Variants in MBD5 observed in about 807,000 individuals in gnomAD.
MBD5 encodes the protein methyl-CpG-binding domain protein 5.
A neutral mutation model predicts 117.3 loss-of-function variants in MBD5; 13 were observed. That is an observed-to-expected ratio of 0.11 (90% CI 0.07 to 0.18). The LOEUF (loss-of-function observed/expected upper bound fraction) is 0.18. Among genes scored for constraint, MBD5 ranks in the 10% least tolerant of loss-of-function variants. MBD5 has a pLI of 1.00. For missense variants in MBD5, 1,879 were observed against 2,093.8 expected (o/e 0.90, Z 2.00); for synonymous variants, 727 against 766.4 (o/e 0.95, Z 0.85).
intron 1 of MBD5, among the ~76,000 whole-genome samples, chr2:148,070,341 A>G (rs978631879): frequency 6.6e-6 from 1 of 152,192 alleles, no homozygotes; most frequent in Non-Finnish European, 1.5e-5. Context: ...GTAGACATTT[A>G]GTGATTTGAT....
At chr2:148,170,132 C>T (rs1189595236) in intron 1 of MBD5, among the ~76,000 whole-genome samples, 2 of 152,096 alleles carry the variant, frequency 1.3e-5, no homozygotes, top group Non-Finnish European at 2.9e-5. Context: ...CTCCTGACCT[C>T]GTGATCTGCC....
At chr2:148,230,725 T>C (rs1257880953) in intron 2 of MBD5, among the ~76,000 whole-genome samples, 4 of 152,118 alleles carry the variant, frequency 2.6e-5, no homozygotes, top group Admixed American at 6.5e-5. Context: ...GTATTACTGC[T>C]GGTTGTTCAG....
chr2:148,029,898 A>G (rs1693992273), intron 1 of MBD5, among the ~76,000 whole-genome samples: 1 of 152,222 alleles, frequency 6.6e-6, no homozygotes, highest in African/African-American at 2.4e-5. Context: ...GGAAAATCAT[A>G]TTAAATCTAA....
intron 11 of MBD5, among the ~76,000 whole-genome samples, chr2:148,494,512 T>C (rs1329245593): frequency 1.3e-5 from 2 of 152,170 alleles, no homozygotes; most frequent in Non-Finnish European, 2.9e-5. Context: ...TTTAACAGCC[T>C]GTGAAAAGTT....
intron 3 of MBD5, among the ~76,000 whole-genome samples, chr2:148,260,878 G>A (rs915067494): frequency 2.0e-5 from 3 of 152,156 alleles, no homozygotes; most frequent in Admixed American, 2.0e-4. Flanking sequence ...TGAAAGACTT[G>A]ATCCGTGGGC....
At chr2:148,494,508 A>G (rs1239900877) in intron 11 of MBD5, among the ~76,000 whole-genome samples, 2 of 152,320 alleles carry the variant, frequency 1.3e-5, no homozygotes, top group Admixed American at 1.3e-4. Context: ...GATTTTTAAC[A>G]GCCTGTGAAA....
intron 3 of MBD5, among the ~76,000 whole-genome samples, chr2:148,340,875 C>CACACAT (rs535805362): frequency 0.026 from 3,813 of 144,584 alleles, 121 homozygotes; most frequent in East Asian, 0.072. Context: ...CACACACACA[C>CACACAT]ATAGCATTTA....
chr2:148,304,986 A>G (rs1574263509), intron 3 of MBD5, among the ~76,000 whole-genome samples: 2 of 150,664 alleles, frequency 1.3e-5, no homozygotes, highest in Non-Finnish European at 3.0e-5. Context: ...AATGGCGTGA[A>G]CCCGGGAGGC....
intron 1 of MBD5, among the ~76,000 whole-genome samples, chr2:148,150,986 G>C (rs1269793260): frequency 2.7e-5 from 4 of 150,830 alleles, no homozygotes; most frequent in Admixed American, 6.6e-5. Flanking sequence ...ATGTTGAATA[G>C]GAGTGGTGAG....
At chr2:148,259,804 C>T (rs540406547) in intron 3 of MBD5, among the ~76,000 whole-genome samples, 1 of 152,314 alleles carries the variant, frequency 6.6e-6, no homozygotes, top group East Asian at 1.9e-4. Flanking sequence ...TGCACCTGCA[C>T]CACAAACCCG....
At chr2:148,272,643 C>T (rs1247621868) in intron 3 of MBD5, among the ~76,000 whole-genome samples, 1 of 152,028 alleles carries the variant, frequency 6.6e-6, no homozygotes, top group Non-Finnish European at 1.5e-5. Flanking sequence ...TTGTTTGCCT[C>T]TTGTTGAGTT....
At chr2:148,125,947 T>C (rs555948098) in intron 1 of MBD5, among the ~76,000 whole-genome samples, 1 of 152,222 alleles carries the variant, frequency 6.6e-6, no homozygotes, top group African/African-American at 2.4e-5. Flanking sequence ...GTCCCATGAT[T>C]AGCTTAGAAG....
At chr2:148,439,329 C>T (rs1405425181) in intron 4 of MBD5, among the ~76,000 whole-genome samples, 1 of 152,120 alleles carries the variant, frequency 6.6e-6, no homozygotes, top group African/African-American at 2.4e-5. Context: ...TAAGTATAAA[C>T]AGATGTAGGG....
At chr2:148,042,208 A>G (rs1257294839) in intron 1 of MBD5, among the ~76,000 whole-genome samples, 5 of 152,196 alleles carry the variant, frequency 3.3e-5, no homozygotes, top group Admixed American at 3.3e-4. Context: ...ATCTATGTGG[A>G]TATAAATAGT....
intron 2 of MBD5, among the ~76,000 whole-genome samples, chr2:148,228,654 C>T (rs1699902203): frequency 6.6e-6 from 1 of 152,124 alleles, no homozygotes; most frequent in Admixed American, 6.5e-5. Context: ...CCCTCTTTTT[C>T]TGTTGATTGG....
At chr2:148,202,679 T>A (rs1280684898) in intron 2 of MBD5, among the ~76,000 whole-genome samples, 1 of 152,180 alleles carries the variant, frequency 6.6e-6, no homozygotes, top group Non-Finnish European at 1.5e-5. Flanking sequence ...CTTTGGAACA[T>A]ATATTGGATT....
chr2:148,230,865 G>A (rs1699966116), intron 2 of MBD5, among the ~76,000 whole-genome samples: 1 of 152,112 alleles, frequency 6.6e-6, no homozygotes, highest in Non-Finnish European at 1.5e-5. Flanking sequence ...TCTGGAAAGG[G>A]GACTTCATAA....
intron 1 of MBD5, among the ~76,000 whole-genome samples, chr2:148,153,241 T>A (rs1697743965): frequency 6.6e-6 from 1 of 151,762 alleles, no homozygotes; most frequent in Non-Finnish European, 1.5e-5. Context: ...TGAAAATTCT[T>A]TTCTTTAAGA....
At chr2:148,282,561 T>C (rs1272898310) in intron 3 of MBD5, among the ~76,000 whole-genome samples, 1 of 149,944 alleles carries the variant, frequency 6.7e-6, no homozygotes. Flanking sequence ...ATATATAATG[T>C]GTGTGTGTGT....
Sources: gnomAD v4.1 joint callset for allele counts (sites outside exome capture counted in the v4.1 genomes callset) on GRCh38, gnomAD v4.1.1 for gene constraint, MANE v1.5 for transcripts, NCBI Gene and HGNC (gene_info 2026-07-23, HGNC 2026-07-21) for gene names.